The following MYO18A variants were observed in gnomAD, a reference collection of about 807,000 sequenced individuals.
MYO18A encodes unconventional myosin-XVIIIa.
Under a neutral mutation model 235.8 loss-of-function variants are expected in MYO18A, and 78 were observed. The ratio of observed to expected loss-of-function variants is 0.33; its 90% CI spans 0.28 to 0.40. The LOEUF (loss-of-function observed/expected upper bound fraction) is 0.40. Among genes scored for constraint, MYO18A ranks in the 10% least tolerant of loss-of-function variants. MYO18A has a pLI of 1.00. For missense variants in MYO18A, 2,215 were observed against 2,699.3 expected (o/e 0.82, Z 3.98); for synonymous variants, 977 against 1,077.8 (o/e 0.91, Z 1.83).
chr17:29,130,506 A>T (rs1283891315), intron 2 of MYO18A, among the ~76,000 whole-genome samples: 1 of 150,906 alleles, frequency 6.6e-6, no homozygotes, highest in African/African-American at 2.4e-5. Flanking sequence ...ACACACACAC[A>T]CACACACACA....
At chr17:29,110,674 G>A (rs2066908056) in intron 17 of MYO18A, 52 bp from the exon 18 acceptor site, 2 of 1,544,084 alleles carry the variant, frequency 1.3e-6, no homozygotes, top group Non-Finnish European at 1.8e-6. Context: ...CGATGGAGCG[G>A]GAAAGGCCGC....
At chr17:29,110,285 G>A in intron 18 of MYO18A, 151 bp downstream of exon 18, 1 of 1,256,404 alleles carries the variant, frequency 8.0e-7, no homozygotes, top group South Asian at 1.5e-5. Context: ...TGGCAGCACT[G>A]AAAAGAAGAC....
At position 29,120,860 on chromosome 17, in the gene MYO18A, C is replaced by T. The variant is rs2067180773; in HGVS notation, c.1586-102G>A. The T allele has an allele frequency of 5.1e-6, 8 of 1,564,548 alleles. No homozygotes were observed. The South Asian group carries it at 9.6e-5, about 19-fold the overall frequency. ...TATGAAGGCTTGGGGCCATTCAGAC[C>T]AGAACTGCCCGTGGACAGAGGGGTT... On this transcript the variant is annotated intron_variant, in intron 6 of 41. Transcript: ENST00000527372. This position sits in a 1 kb window ranked among gnomAD's most constrained non-coding sequence, Gnocchi z 4.2.
At chr17:29,147,858 C>T (rs1156288863) in intron 2 of MYO18A, among the ~76,000 whole-genome samples, 1 of 136,144 alleles carries the variant, frequency 7.3e-6, no homozygotes, top group Non-Finnish European at 1.5e-5. Context: ...CAGTGAGCTA[C>T]GACCATGCCA....
chr17:29,160,059 C>T (rs1209414938), intron 2 of MYO18A, among the ~76,000 whole-genome samples: 1 of 152,178 alleles, frequency 6.6e-6, no homozygotes, highest in Non-Finnish European at 1.5e-5. Flanking sequence ...ATTAAAGAAG[C>T]TGCAAAATTA....
At chr17:29,144,433 C>T (rs552171830) in intron 2 of MYO18A, among the ~76,000 whole-genome samples, 1 of 152,318 alleles carries the variant, frequency 6.6e-6, no homozygotes, top group African/African-American at 2.4e-5. Flanking sequence ...CTCCTGCCTC[C>T]CTTATGAAGC....
intron 36 of MYO18A, 56 bp from the exon 37 acceptor site, chr17:29,090,154 T>A: frequency 6.4e-7 from 1 of 1,568,220 alleles, no homozygotes; most frequent in East Asian, 2.3e-5. Flanking sequence ...GGGAGGAGAC[T>A]GCGTCTGGGG....
At position 29,111,791 on chromosome 17, in the gene MYO18A, C is replaced by T; in HGVS notation, c.2671G>A (p.Gly891Arg). The change falls in exon 16 of 42, where the codon GGG (glycine) becomes AGG (arginine). Residue 891 changes from glycine (G) to arginine (R), a missense_variant. Coordinates refer to ENST00000527372, the MANE Select transcript of MYO18A (RefSeq NM_078471.4). The surrounding 1 kb of genome is among the most constrained non-coding windows in gnomAD (Gnocchi z 5.1). ...TCCAGGAGGGTGTCCTCACTGGCCC[C>T]TGGCACCAGAGCCTCCTCTTCCAAT... is the stretch of plus-strand genomic sequence containing the variant. Reference protein sequence around the residue: ...WLLEEEALVPGASEDTLLERL... With the variant: ...WLLEEEALVPRASEDTLLERL... 1 of 1,613,836 alleles carries T rather than the reference C, an allele frequency of 6.2e-7. No individual in the cohort carries two copies. Among genetic ancestry groups the T allele is most frequent in the Non-Finnish European group, 8.5e-7 (1 of 1,179,772 alleles).
In MYO18A at chr17:29,071,910, T is replaced by TGGGG. The variant is rs1032683160; in HGVS notation, c.*2856_*2859dup. 39 of 152,330 alleles carry TGGGG rather than the reference T, an allele frequency of 2.6e-4. No individual in the cohort carries two copies. The highest frequency in any genetic ancestry group is 8.9e-4 in the African/African-American group (37 of 41,566). The allele number at this position is 152,330 out of a possible 1,614,324, so 9.4% of individuals were successfully genotyped here. Reference sequence around the variant, plus strand: ...CCTTATCCATCACCAGCACCCAGAATGGGGCCTAGGCACAGCAGGCAGTCA... The same window carrying TGGGG: ...CCTTATCCATCACCAGCACCCAGAATGGGGGGGGCCTAGGCACAGCAGGCAGTCA... On this transcript the variant is annotated 3_prime_UTR_variant, in exon 42 of 42. Coordinates refer to ENST00000527372, the MANE Select transcript of MYO18A (RefSeq NM_078471.4).
At chr17:29,076,785 C>T (rs1293101224) in intron 41 of MYO18A, 1 of 152,200 alleles carries the variant, frequency 6.6e-6, no homozygotes, top group African/African-American at 2.4e-5. Flanking sequence ...AATTTCTGGG[C>T]ACTCAGGGCT....
At chr17:29,113,556 C>T (rs1307271864) in intron 15 of MYO18A, among the ~76,000 whole-genome samples, 1 of 152,198 alleles carries the variant, frequency 6.6e-6, no homozygotes, top group Non-Finnish European at 1.5e-5. Flanking sequence ...GAGGCTGGCT[C>T]CTGGCCCTGT....
chr17:29,083,910 C>T (rs549767785), intron 40 of MYO18A, among the ~76,000 whole-genome samples: 5 of 152,306 alleles, frequency 3.3e-5, no homozygotes, highest in East Asian at 1.9e-4. Flanking sequence ...CTGTATGCAT[C>T]GCAAAATCTA....
chr17:29,088,716 T>C (rs1234850433), intron 37 of MYO18A, among the ~76,000 whole-genome samples: 1 of 152,234 alleles, frequency 6.6e-6, no homozygotes, highest in African/African-American at 2.4e-5. Flanking sequence ...TGGAAGGGGC[T>C]GGCCAATACT....
intron 2 of MYO18A, chr17:29,133,821 T>C (rs1293496614): frequency 7.8e-7 from 1 of 1,289,282 alleles, no homozygotes; most frequent in Non-Finnish European, 1.0e-6. Context: ...AAGGCGAACC[T>C]TGATGAAAAG....
intron 2 of MYO18A, among the ~76,000 whole-genome samples, chr17:29,138,778 T>A (rs1025453026): frequency 6.6e-6 from 1 of 152,098 alleles, no homozygotes; most frequent in Admixed American, 6.5e-5. Context: ...CACACTCAGG[T>A]CTCCTGCGAG....
intron 2 of MYO18A, among the ~76,000 whole-genome samples, chr17:29,142,956 C>T (rs970952442): frequency 6.6e-5 from 10 of 152,140 alleles, no homozygotes; most frequent in African/African-American, 2.2e-4. Context: ...TACAGGCAGG[C>T]GCCACCACGC....
intron 2 of MYO18A, among the ~76,000 whole-genome samples, chr17:29,161,442 G>A (rs564773500): frequency 4.4e-4 from 66 of 150,040 alleles, no homozygotes; most frequent in African/African-American, 1.1e-3. Context: ...TGGGAGGATC[G>A]CTTGAGCATA....
Position 29,166,020 on chromosome 17 carries a change from C to T in MYO18A, c.921G>A (p.Val307=). 6.2e-7 allele frequency: 1 copy of T among 1,613,742 alleles called. No individual in the cohort carries two copies. The highest frequency in any genetic ancestry group is 8.5e-7 in the Non-Finnish European group (1 of 1,179,898). Residue 307 remains valine (V), a synonymous_variant, in exon 2 of 42, where the codon GTG becomes GTA. Transcript: ENST00000527372. The part of the protein sequence containing the change: ...RQSGDSVRLK[V]QPIPELSELS... ...GCTCGCTGAGCTCTGGAATGGGCTG[C>T]ACCTTGAGCCGCACGCTGTCCCCTG... is the stretch of plus-strand genomic sequence containing the variant.
intron 2 of MYO18A, chr17:29,133,776 A>C (rs572809777): frequency 7.8e-7 from 1 of 1,288,316 alleles, no homozygotes. Context: ...GAAAAACATA[A>C]AGATTTTAAA....
Sources: allele counts gnomAD v4.1 joint callset (sites outside exome capture counted in the v4.1 genomes callset), GRCh38; gene constraint gnomAD v4.1.1; non-coding constraint Gnocchi (gnomAD v3.1); transcripts MANE v1.5; gene names NCBI Gene and HGNC (gene_info 2026-07-23, HGNC 2026-07-21).